Variants in APP observed in about 807,000 individuals in gnomAD.
APP encodes the protein amyloid beta precursor protein, also known as amyloid-beta precursor protein.
Under a neutral mutation model 101.4 loss-of-function variants are expected in APP, and 31 were observed. The ratio of observed to expected loss-of-function variants is 0.31; its 90% CI spans 0.23 to 0.41. The LOEUF (loss-of-function observed/expected upper bound fraction) is 0.41. Among genes scored for constraint, APP ranks in the 10% least tolerant of loss-of-function variants. The probability of loss-of-function intolerance (pLI) is 1.00; values close to 1 mark genes in which losing one functional copy is unlikely to be tolerated. For missense variants in APP, 839 were observed against 1,003.7 expected (o/e 0.84, Z 2.22); for synonymous variants, 366 against 364.4 (o/e 1.00, Z -0.05).
chr21:25,955,594 A>C, intron 12 of APP, 33 bp downstream of exon 12: 1 of 1,613,814 alleles, frequency 6.2e-7, no homozygotes, highest in Non-Finnish European at 8.5e-7. Context: ...TGGATTGTCA[A>C]AGCTGCAGAA....
intron 11 of APP, among the ~76,000 whole-genome samples, chr21:25,962,959 C>T (rs114873295): frequency 2.1e-3 from 316 of 152,092 alleles, no homozygotes; most frequent in African/African-American, 6.9e-3. Context: ...GGATTACAGG[C>T]GTGCACCCTC....
chr21:26,086,767 C>G (rs1405605419), intron 3 of APP, among the ~76,000 whole-genome samples: 1 of 152,130 alleles, frequency 6.6e-6, no homozygotes, highest in South Asian at 2.1e-4. Flanking sequence ...GTCAACACAA[C>G]GATAGCTGTG....
chr21:25,895,434 G>T (rs915500289), intron 16 of APP, among the ~76,000 whole-genome samples: 2 of 152,106 alleles, frequency 1.3e-5, no homozygotes, highest in Non-Finnish European at 2.9e-5. Flanking sequence ...AAAGTGCTGG[G>T]ATTACAGGCA....
chr21:26,027,167 A>G (rs1253153036), intron 5 of APP, among the ~76,000 whole-genome samples: 1 of 152,186 alleles, frequency 6.6e-6, no homozygotes, highest in African/African-American at 2.4e-5. Flanking sequence ...ACTTGCACTG[A>G]TGAGGGAAGA....
intron 5 of APP, among the ~76,000 whole-genome samples, chr21:26,036,543 G>C (rs1352709325): frequency 1.3e-5 from 2 of 151,960 alleles, no homozygotes; most frequent in Admixed American, 1.3e-4. Flanking sequence ...GTTATGAAGA[G>C]AAGTACTATC....
At chr21:26,109,593 G>A (rs1049779741) in intron 2 of APP, among the ~76,000 whole-genome samples, 4 of 152,146 alleles carry the variant, frequency 2.6e-5, no homozygotes, top group African/African-American at 4.8e-5. Flanking sequence ...GTTTATTACA[G>A]CAATGTGAGA....
intron 11 of APP, among the ~76,000 whole-genome samples, chr21:25,969,903 G>GGGGAGGGGAGGGGAGGGT (rs1442878908): frequency 0.02 from 2,177 of 111,574 alleles, 26 homozygotes; most frequent in Non-Finnish European, 0.03. Context: ...TTAGAGAAGA[G>GGGGAGGGGAGGGGAGGGT]AAGAGGGGAG....
chr21:25,901,307 A>C (rs1010246981), intron 15 of APP, among the ~76,000 whole-genome samples: 70 of 67,806 alleles, frequency 1.0e-3, no homozygotes, highest in Admixed American at 2.2e-3. Context: ...AAAAAAAAAA[A>C]AAAAAAAAAA....
intron 6 of APP, among the ~76,000 whole-genome samples, chr21:26,016,930 TGGGGG>T (rs1277657878): frequency 2.1e-4 from 5 of 23,554 alleles, no homozygotes; most frequent in Non-Finnish European, 1.0e-3. Context: ...CAGCACTTTG[TGGGGG>T]GCGGGGGGCG....
At chr21:25,988,727 G>GAC in intron 8 of APP, among the ~76,000 whole-genome samples, 1 of 111,644 alleles carries the variant, frequency 9.0e-6, no homozygotes, top group African/African-American at 4.0e-5. Context: ...AAAAAAAGGA[G>GAC]ACAAAGATGA....
chr21:26,159,214 GGAC>G (rs1569045852), intron 1 of APP, among the ~76,000 whole-genome samples: 6 of 152,010 alleles, frequency 3.9e-5, no homozygotes, highest in African/African-American at 1.5e-4. Context: ...CGAGTAGCTG[GGAC>G]TACAGGTGCC....
Position 26,016,994 on chromosome 21 carries a change from C to T in APP, c.865+4846G>A, listed in dbSNP as rs916392159. ...TGGGCAGATCATGAGGTCAGGAAAT[C>T]GAGACCATCCTGGCTAACATGGTGA... On this transcript the variant is annotated intron_variant, in intron 6 of 17. Coordinates refer to ENST00000346798, the MANE Select transcript of APP (RefSeq NM_000484.4). Among the ~76,000 whole-genome samples the T allele has an allele frequency of 2.7e-5, 4 of 149,006 alleles. 1 individual carries two copies. Among genetic ancestry groups the T allele is most frequent in the African/African-American group, 1.0e-4 (4 of 39,672 alleles).
intron 6 of APP, among the ~76,000 whole-genome samples, chr21:26,012,249 T>C (rs2043841090): frequency 1.3e-5 from 2 of 152,070 alleles, no homozygotes; most frequent in Admixed American, 6.6e-5. Flanking sequence ...TCATCCTGCC[T>C]CAGCTTCCCA....
At chr21:26,163,919 A>G (rs1228893742) in intron 1 of APP, among the ~76,000 whole-genome samples, 1 of 152,246 alleles carries the variant, frequency 6.6e-6, no homozygotes, top group Admixed American at 6.5e-5. Context: ...AGTTTTAAAG[A>G]TGTAACAGCC....
At chr21:25,958,245 T>C (rs1421993923) in intron 11 of APP, among the ~76,000 whole-genome samples, 1 of 152,100 alleles carries the variant, frequency 6.6e-6, no homozygotes, top group Non-Finnish European at 1.5e-5. Flanking sequence ...TCTTCTCCTA[T>C]CACAACAAAC....
chr21:25,948,993 A>T (rs116585143), intron 13 of APP, among the ~76,000 whole-genome samples: 381 of 152,272 alleles, frequency 2.5e-3, no homozygotes, highest in African/African-American at 8.8e-3. Context: ...ATTAATGAAG[A>T]CCTACATAGT....
intron 13 of APP, among the ~76,000 whole-genome samples, chr21:25,926,943 C>A (rs1054113530): frequency 5.5e-5 from 7 of 126,740 alleles, no homozygotes; most frequent in Non-Finnish European, 9.3e-5. Flanking sequence ...GCGGAGCTTG[C>A]AGTGAGCCGA....
chr21:26,169,088 A>C (rs923654286), intron 1 of APP: 1 of 152,244 alleles, frequency 6.6e-6, no homozygotes, highest in African/African-American at 2.4e-5. Context: ...AGTGAAATAC[A>C]GCCTCCTCTG....
intron 2 of APP, among the ~76,000 whole-genome samples, chr21:26,098,584 C>T (rs568841456): frequency 2.3e-4 from 35 of 152,184 alleles, no homozygotes; most frequent in African/African-American, 8.4e-4. Context: ...TGATTAATGC[C>T]AAAAGTCCTA....
Sources: gnomAD v4.1 joint callset for allele counts (sites outside exome capture counted in the v4.1 genomes callset) on GRCh38, gnomAD v4.1.1 for gene constraint, MANE v1.5 for transcripts, NCBI Gene and HGNC (gene_info 2026-07-23, HGNC 2026-07-21) for gene names.